Variants in UTRN observed in about 807,000 individuals in gnomAD.
UTRN encodes the protein utrophin, also known as dystrophin-related protein 1.
A neutral mutation model predicts 463.9 loss-of-function variants in UTRN; 283 were observed. The ratio of observed to expected loss-of-function variants is 0.61; its 90% confidence interval spans 0.55 to 0.67. The LOEUF (loss-of-function observed/expected upper bound fraction) is 0.67, where lower values mean the gene tolerates loss of function less well. UTRN is among the 30% of genes least tolerant of loss of function. UTRN has a pLI of 0.00. For synonymous variants in UTRN, 1,442 were observed against 1,431.5 expected (o/e 1.01, Z -0.17); for missense variants, 3,922 against 4,084.3 (o/e 0.96, Z 1.08).
chr6:144,470,213 G>A (rs1001479454), intron 23 of UTRN, among the ~76,000 whole-genome samples: 11 of 152,318 alleles, frequency 7.2e-5, no homozygotes, highest in Non-Finnish European at 1.2e-4. Flanking sequence ...ATGAGCTGTT[G>A]GGTACACCTC....
At chr6:144,653,221 C>T (rs1451885666) in intron 51 of UTRN, among the ~76,000 whole-genome samples, 1 of 152,126 alleles carries the variant, frequency 6.6e-6, no homozygotes, top group Non-Finnish European at 1.5e-5. Flanking sequence ...TATCACTCCC[C>T]CCCTTTTTGG....
chr6:144,623,265 G>C (rs1775613722), intron 51 of UTRN, among the ~76,000 whole-genome samples: 1 of 152,056 alleles, frequency 6.6e-6, no homozygotes, highest in African/African-American at 2.4e-5. Context: ...TTATCAATCA[G>C]AAATATTAGT....
chr6:144,435,199 TAAAG>T lies in UTRN; in HGVS notation c.856-735_856-732del, dbSNP rs556346498. On this transcript the variant is annotated intron_variant, in intron 9 of 74. Transcript: ENST00000367545. ...CTTAAAAATCATGCATGAGAGTTGA[TAAAG>T]TAGAGACAGAATGTAGGCAAGTCTT... Among the ~76,000 whole-genome samples the T allele has an allele frequency of 1.4e-3, 206 of 152,288 alleles. 1 individual carries two copies. Among genetic ancestry groups the T allele is most frequent in the African/African-American group, 4.7e-3 (194 of 41,570 alleles).
chr6:144,325,079 C>T (rs1775893535), intron 2 of UTRN, among the ~76,000 whole-genome samples: 1 of 152,116 alleles, frequency 6.6e-6, no homozygotes, highest in Admixed American at 6.5e-5. Context: ...ATCCTTAGCC[C>T]AGAGAGCATG....
At chr6:144,694,197 T>G (rs1176144817) in intron 52 of UTRN, among the ~76,000 whole-genome samples, 1 of 136,510 alleles carries the variant, frequency 7.3e-6, no homozygotes, top group Non-Finnish European at 1.6e-5. Flanking sequence ...ATTTATTGAT[T>G]TGTATATGTT....
chr6:144,442,746 C>CA (rs1306061449), intron 13 of UTRN, among the ~76,000 whole-genome samples: 1 of 152,112 alleles, frequency 6.6e-6, no homozygotes, highest in Non-Finnish European at 1.5e-5. Context: ...AAGTTCCTCT[C>CA]AAAAAATGTG....
intron 56 of UTRN, among the ~76,000 whole-genome samples, chr6:144,752,923 A>G (rs1791566814): frequency 6.6e-6 from 1 of 152,160 alleles, no homozygotes; most frequent in Non-Finnish European, 1.5e-5. Flanking sequence ...TAACCTCTAG[A>G]GCTCAGATGT....
chr6:144,380,448 T>C (rs1207024034), intron 2 of UTRN, among the ~76,000 whole-genome samples: 3 of 152,088 alleles, frequency 2.0e-5, no homozygotes, highest in Non-Finnish European at 1.5e-5. Context: ...GAAATTGCTT[T>C]TGTAATAAAA....
At chr6:144,366,037 C>T (rs1356600674) in intron 2 of UTRN, among the ~76,000 whole-genome samples, 1 of 152,190 alleles carries the variant, frequency 6.6e-6, no homozygotes, top group Non-Finnish European at 1.5e-5. Context: ...CGCACCTGGC[C>T]TGGGAATTTA....
At chr6:144,405,767 G>A (rs1266288367) in intron 3 of UTRN, among the ~76,000 whole-genome samples, 1 of 152,096 alleles carries the variant, frequency 6.6e-6, no homozygotes, top group Non-Finnish European at 1.5e-5. Flanking sequence ...ATCAAACATC[G>A]AGCCTTGTTA....
chr6:144,770,162 A>C lies in UTRN; in HGVS notation c.8496-1745A>C, dbSNP rs570926668. On this transcript the variant is annotated intron_variant, in intron 58 of 74. Transcript: ENST00000367545. Reference sequence around the variant, plus strand: ...AACTTTCCATCTCTTTCCAAGACAGATCTTCACATTGTAGTTACATTATTT... The same window carrying C: ...AACTTTCCATCTCTTTCCAAGACAGCTCTTCACATTGTAGTTACATTATTT... 3.3e-5 allele frequency among the ~76,000 whole-genome samples: 5 copies of C among 152,286 alleles called. No individual in the cohort carries two copies. The South Asian group carries it at 1.0e-3, about 32-fold the overall frequency.
intron 65 of UTRN, among the ~76,000 whole-genome samples, chr6:144,806,809 G>A (rs1441598591): frequency 4.8e-5 from 5 of 103,360 alleles, no homozygotes; most frequent in Admixed American, 2.7e-4. Flanking sequence ...TCTCTCATTC[G>A]AAATACAAAT....
At chr6:144,573,652 C>T (rs1801164317) in intron 50 of UTRN, among the ~76,000 whole-genome samples, 1 of 151,940 alleles carries the variant, frequency 6.6e-6, no homozygotes, top group Admixed American at 6.6e-5. Flanking sequence ...GCTGAGATCA[C>T]ACCACTGCAC....
chr6:144,490,037 A>AG (rs2128578713), intron 30 of UTRN, 34 bp from the exon 31 acceptor site: 1 of 1,583,732 alleles, frequency 6.3e-7, no homozygotes, highest in South Asian at 1.2e-5. Context: ...TAAAAAAAAA[A>AG]GGACATCCTC....
intron 52 of UTRN, among the ~76,000 whole-genome samples, chr6:144,679,512 T>C (rs1781996155): frequency 6.6e-6 from 1 of 152,212 alleles, no homozygotes; most frequent in Non-Finnish European, 1.5e-5. Context: ...CTATTTACTC[T>C]CTGATCTTGA....
At chr6:144,295,661 G>A (rs1804612712) in intron 2 of UTRN, among the ~76,000 whole-genome samples, 1 of 152,212 alleles carries the variant, frequency 6.6e-6, no homozygotes, top group Non-Finnish European at 1.5e-5. Flanking sequence ...CCATTCCTGT[G>A]ATGTGCTCAC....
At chr6:144,689,396 T>C (rs1461223729) in intron 52 of UTRN, among the ~76,000 whole-genome samples, 1 of 152,200 alleles carries the variant, frequency 6.6e-6, no homozygotes, top group Non-Finnish European at 1.5e-5. Context: ...CCCATGCCTC[T>C]GCTGAAAGAA....
intron 51 of UTRN, among the ~76,000 whole-genome samples, chr6:144,653,478 T>C (rs1779030991): frequency 6.6e-6 from 1 of 151,520 alleles, no homozygotes; most frequent in Non-Finnish European, 1.5e-5. Context: ...CCCAGCTACT[T>C]GGGAGGCTGA....
In UTRN at chr6:144,490,992, C is replaced by T. The variant is rs779417111; in HGVS notation, c.4327C>T (p.Arg1443Cys). ...CCAGAAGCCAGCTAACTTCGAGCAG[C>T]GCATGCTGGACTGCAAGCGTGTGCT... Reference protein sequence around the residue: ...LFQKPANFEQRMLDCKRVLDG... With the variant: ...LFQKPANFEQCMLDCKRVLDG... Residue 1443 changes from arginine (R) to cysteine (C), a missense_variant, in exon 32 of 75, where the codon CGC (arginine) becomes TGC (cysteine). Around this residue, in one of 3 missense-constraint regions of UTRN, gnomAD observed 2,349 missense variants for 2,303.8 expected, o/e 1.02. Coordinates refer to ENST00000367545, the MANE Select transcript of UTRN (RefSeq NM_007124.3). 14 of 1,613,694 alleles carry T rather than the reference C, an allele frequency of 8.7e-6. No homozygotes were observed. The highest frequency in any genetic ancestry group is 2.7e-5 in the African/African-American group (2 of 74,908).
Sources: gnomAD v4.1 joint callset for allele counts (sites outside exome capture counted in the v4.1 genomes callset) on GRCh38, gnomAD v4.1.1 for gene constraint, gnomAD v4.1.1 regional missense constraint, MANE v1.5 for transcripts, NCBI Gene and HGNC (gene_info 2026-07-23, HGNC 2026-07-21) for gene names.